Variants in SGMS1 observed in about 807,000 individuals in gnomAD.
SGMS1 encodes sphingomyelin synthase 1.
In SGMS1, 13 loss-of-function variants were observed where a neutral mutation model predicts 46.2. The observed-to-expected ratio is 0.28, with a 90% CI of 0.18 to 0.45. The LOEUF is 0.45. SGMS1 is among the 20% of genes least tolerant of loss of function. SGMS1 has a pLI of 1.00. For synonymous variants in SGMS1, 203 were observed against 187.8 expected (o/e 1.08, Z -0.66); for missense variants, 324 against 519.9 (o/e 0.62, Z 3.66).
chr10:50,573,163 T>C (rs1838350541), intron 2 of SGMS1, among the ~76,000 whole-genome samples: 1 of 152,210 alleles, frequency 6.6e-6, no homozygotes, highest in Middle Eastern at 3.2e-3. Context: ...GCTTTTCCTC[T>C]AAGATCTGGA....
chr10:50,587,608 A>G (rs1554794344), intron 2 of SGMS1, among the ~76,000 whole-genome samples: 1 of 150,912 alleles, frequency 6.6e-6, no homozygotes, highest in Non-Finnish European at 1.5e-5. Context: ...TGGGCAACAG[A>G]GCAAGACTGC....
At chr10:50,616,171 A>G (rs1838795167) in intron 1 of SGMS1, among the ~76,000 whole-genome samples, 1 of 152,180 alleles carries the variant, frequency 6.6e-6, no homozygotes, top group African/African-American at 2.4e-5. Context: ...GCTGGAGTAC[A>G]GTGGCATGGT....
chr10:50,604,301 G>A (rs1838674364), intron 1 of SGMS1, among the ~76,000 whole-genome samples: 1 of 152,118 alleles, frequency 6.6e-6, no homozygotes, highest in Non-Finnish European at 1.5e-5. Flanking sequence ...TCACCACCAG[G>A]GCTGAACCGT....
At chr10:50,336,357 T>A (rs1490867370) in intron 7 of SGMS1, among the ~76,000 whole-genome samples, 1 of 152,136 alleles carries the variant, frequency 6.6e-6, no homozygotes. Context: ...GCCTAGTCAG[T>A]GGTCTTAAGT....
intron 2 of SGMS1, among the ~76,000 whole-genome samples, chr10:50,550,431 G>A (rs2133831262): frequency 6.6e-6 from 1 of 152,186 alleles, no homozygotes; most frequent in South Asian, 2.1e-4. Context: ...CTGAAGCACA[G>A]CTTTTATCAG....
chr10:50,615,887 C>A (rs962043987), intron 1 of SGMS1, among the ~76,000 whole-genome samples: 1 of 152,170 alleles, frequency 6.6e-6, no homozygotes, highest in African/African-American at 2.4e-5. Flanking sequence ...ACATAGAGTT[C>A]TCTAATTGTT....
chr10:50,356,267 G>C (rs1417890531), intron 6 of SGMS1, among the ~76,000 whole-genome samples: 1 of 152,178 alleles, frequency 6.6e-6, no homozygotes, highest in Non-Finnish European at 1.5e-5. Flanking sequence ...CCCCAACCCT[G>C]TGCTCTCTGA....
intron 8 of SGMS1, among the ~76,000 whole-genome samples, chr10:50,313,029 GC>G (rs766073051): frequency 2.6e-5 from 4 of 152,114 alleles, no homozygotes; most frequent in Non-Finnish European, 5.9e-5. Context: ...AAAAACCAAG[GC>G]AATTACTAAC....
chr10:50,415,451 T>G (rs911218566), intron 6 of SGMS1, among the ~76,000 whole-genome samples: 11 of 152,130 alleles, frequency 7.2e-5, no homozygotes, highest in African/African-American at 2.4e-4. Flanking sequence ...TACTCCCAAG[T>G]GGTTTTATCA....
chr10:50,579,116 T>G (rs1391287561), intron 2 of SGMS1, among the ~76,000 whole-genome samples: 1 of 152,040 alleles, frequency 6.6e-6, no homozygotes, highest in Non-Finnish European at 1.5e-5. Flanking sequence ...AATAGTAGGA[T>G]TCTATACAAT....
Position 50,307,100 on chromosome 10 carries a change from A to T in SGMS1, c.*42T>A. The stretch of plus-strand genomic sequence containing the variant: ...TGGCATCTTCTCTCATGGAGTTCTT[A>T]GCACTTCGGACAATTTGTCTTTTCC... On this transcript the variant is annotated 3_prime_UTR_variant, in exon 11 of 11. Transcript: ENST00000361781. The surrounding 1 kb of genome is among the most constrained non-coding windows in gnomAD (Gnocchi z 4.2). The T allele has an allele frequency of 6.3e-7, 1 of 1,589,744 alleles. No homozygotes were observed. The highest frequency in any genetic ancestry group is 8.6e-7 in the Non-Finnish European group (1 of 1,163,982).
chr10:50,360,709 C>T (rs919236936), intron 6 of SGMS1, among the ~76,000 whole-genome samples: 2 of 152,188 alleles, frequency 1.3e-5, no homozygotes, highest in African/African-American at 4.8e-5. Context: ...CTGATGCACA[C>T]AGTACTGATC....
At chr10:50,347,581 T>A (rs897258139) in intron 6 of SGMS1, among the ~76,000 whole-genome samples, 2 of 152,042 alleles carry the variant, frequency 1.3e-5, no homozygotes, top group African/African-American at 4.8e-5. Context: ...CTCAGCAGAG[T>A]TAGGAAAACA....
chr10:50,617,484 A>G (rs1451509169), intron 1 of SGMS1, among the ~76,000 whole-genome samples: 1 of 152,222 alleles, frequency 6.6e-6, no homozygotes, highest in Non-Finnish European at 1.5e-5. Context: ...CTTCACTGTG[A>G]TGGTTTCACA....
intron 6 of SGMS1, among the ~76,000 whole-genome samples, chr10:50,428,433 T>A (rs1849358176): frequency 6.6e-6 from 1 of 151,786 alleles, no homozygotes; most frequent in African/African-American, 2.4e-5. Context: ...AGTAGGAGAG[T>A]ATAATCCTTT....
At chr10:50,570,115 T>C (rs1389554831) in intron 2 of SGMS1, among the ~76,000 whole-genome samples, 1 of 152,202 alleles carries the variant, frequency 6.6e-6, no homozygotes, top group Non-Finnish European at 1.5e-5. Context: ...TTTTCTAGGT[T>C]TCCCAGCTTC....
chr10:50,353,296 A>G (rs2133386135), intron 6 of SGMS1, among the ~76,000 whole-genome samples: 1 of 152,422 alleles, frequency 6.6e-6, no homozygotes, highest in Non-Finnish European at 1.5e-5. Flanking sequence ...ACGCAAATCA[A>G]TAAACGTAAT....
intron 7 of SGMS1, among the ~76,000 whole-genome samples, chr10:50,333,440 T>C (rs1847659322): frequency 1.3e-5 from 2 of 152,248 alleles, no homozygotes; most frequent in Non-Finnish European, 2.9e-5. Flanking sequence ...TCTGCATTCA[T>C]ATTTTTATTC....
chr10:50,501,620 A>C (rs1210345898), intron 3 of SGMS1, among the ~76,000 whole-genome samples: 2 of 152,202 alleles, frequency 1.3e-5, no homozygotes, highest in African/African-American at 4.8e-5. Flanking sequence ...CAAAATGTGA[A>C]CACCCACAAG....
Sources: gnomAD v4.1 joint callset for allele counts (sites outside exome capture counted in the v4.1 genomes callset) on GRCh38, gnomAD v4.1.1 for gene constraint, Gnocchi (gnomAD v3.1) non-coding constraint, MANE v1.5 for transcripts, NCBI Gene and HGNC (gene_info 2026-07-23, HGNC 2026-07-21) for gene names.